USP36: variants seen among roughly 807,000 people sequenced by gnomAD.
USP36 encodes ubiquitin carboxyl-terminal hydrolase 36.
In USP36, 59 loss-of-function variants were observed where a neutral mutation model predicts 111.5. That is an observed-to-expected ratio of 0.53 (90% CI 0.43 to 0.66). The LOEUF (loss-of-function observed/expected upper bound fraction) is 0.66, where lower values mean the gene tolerates loss of function less well. Among genes scored for constraint, USP36 ranks in the 30% least tolerant of loss-of-function variants. USP36 has a pLI of 0.00. For synonymous variants in USP36, 628 were observed against 581.0 expected (o/e 1.08, Z -1.16); for missense variants, 1,488 against 1,468.0 (o/e 1.01, Z -0.22).
chr17:78,807,718 C>A, intron 13 of USP36, 82 bp from the exon 14 acceptor site: 3 of 1,371,352 alleles, frequency 2.2e-6, no homozygotes, highest in Non-Finnish European at 2.9e-6. Context: ...CACAGTGAAT[C>A]TTAGTAGCAG....
At chr17:78,821,420 ATTTTTTTTTTT>A (rs1187233966) in intron 7 of USP36, 1 of 34,560 alleles carries the variant, frequency 2.9e-5, no homozygotes, top group Non-Finnish European at 4.6e-5. Context: ...ATATATATAT[ATTTTTTTTTTT>A]TTTTTTTTTT....
chr17:78,840,345 C>G (rs999863464), intron 1 of USP36: 1 of 152,666 alleles, frequency 6.6e-6, no homozygotes, highest in Non-Finnish European at 1.5e-5. Flanking sequence ...GCCGCACCCG[C>G]CCCGCTGAGC....
downstream of USP36, among the ~76,000 whole-genome samples, chr17:78,791,646 G>A (rs1035153016): frequency 2.0e-5 from 3 of 152,190 alleles, no homozygotes; most frequent in East Asian, 1.9e-4. Context: ...CCAGAACAAC[G>A]GGCTGGACAG....
At chr17:78,804,117 A>G (rs1638673470) in intron 15 of USP36, 139 bp from the exon 16 acceptor site, 2 of 589,650 alleles carry the variant, frequency 3.4e-6, no homozygotes, top group Non-Finnish European at 2.9e-6. Flanking sequence ...GATACACATT[A>G]AGTTACATGT....
chr17:78,821,915 T>C (rs773403969), intron 7 of USP36, 22 bp downstream of exon 7: 10 of 1,613,602 alleles, frequency 6.2e-6, no homozygotes, highest in East Asian at 2.2e-5. Flanking sequence ...CAAGAAGCAG[T>C]AGAACAAACG....
At chr17:78,831,225 C>CAAAAAAAAAAAAAAAAAAAAAAAAA (rs33980218) in intron 4 of USP36, among the ~76,000 whole-genome samples, 1 of 13,530 alleles carries the variant, frequency 7.4e-5, no homozygotes, top group African/African-American at 3.4e-4. Flanking sequence ...AACTCCATCT[C>CAAAAAAAAAAAAAAAAAAAAAAAAA]AAAAAAAAAA....
At chr17:78,828,782 A>G in intron 5 of USP36, 115 bp downstream of exon 5, 1 of 1,010,276 alleles carries the variant, frequency 9.9e-7, no homozygotes, top group Non-Finnish European at 1.4e-6. Flanking sequence ...AAACGGAAGG[A>G]CTGCTTAAGG....
chr17:78,792,906 G>A (rs2093595237), downstream of USP36, among the ~76,000 whole-genome samples: 1 of 152,126 alleles, frequency 6.6e-6, no homozygotes, highest in Admixed American at 6.5e-5. Context: ...AGTAGAGACA[G>A]GGTTTCACCA....
intron 5 of USP36, 79 bp from the exon 6 acceptor site, chr17:78,827,426 T>G: frequency 6.7e-5 from 87 of 1,305,064 alleles, no homozygotes; most frequent in Non-Finnish European, 8.5e-5. Context: ...TGAATGGCCA[T>G]TCCTGGCTGT....
Position 78,797,226 on chromosome 17 carries a change from C to T in USP36, c.*674G>A, listed in dbSNP as rs911822331. 4 of 152,218 alleles carry T rather than the reference C, an allele frequency of 2.6e-5. No individual in the cohort carries two copies. Among genetic ancestry groups the T allele is most frequent in the East Asian group, 3.8e-4 (2 of 5,204 alleles). The allele number at this position is 152,218 out of a possible 1,614,324, so 9.4% of individuals were successfully genotyped here. On this transcript the variant is annotated 3_prime_UTR_variant, in exon 21 of 21. Coordinates refer to ENST00000449938, the MANE Select transcript of USP36 (RefSeq NM_001385174.1). ...CAGCAGCCTGGAAAGCAGATGTATT[C>T]GCAGGTATCGAGGGCTCCTCCGACC...
At position 78,819,978 on chromosome 17, in the gene USP36, A is replaced by G. The variant is rs760871640; in HGVS notation, c.863T>C (p.Phe288Ser). The change falls in exon 9 of 21, where the codon TTT becomes TCT. Residue 288 changes from phenylalanine to serine, a missense_variant. Phe to Ser is a radical substitution (Grantham distance 155). Transcript: ENST00000449938. Reference protein sequence around the residue: ...AANIVRALELFVKADVLSGEN... With the variant: ...AANIVRALELSVKADVLSGEN... ...TCCACTCAGGACATCTGCTTTCACAAAAAGTTCCAGAGCACGCACAATATT... is the reference window on the plus strand; with the variant it reads ...TCCACTCAGGACATCTGCTTTCACAGAAAGTTCCAGAGCACGCACAATATT... 1 of 1,614,226 alleles carries G rather than the reference A, an allele frequency of 6.2e-7. No individual in the cohort carries two copies. The highest frequency in any genetic ancestry group is 8.5e-7 in the Non-Finnish European group (1 of 1,180,014).
intron 6 of USP36, among the ~76,000 whole-genome samples, chr17:78,823,494 C>G (rs971984453): frequency 6.6e-6 from 1 of 152,182 alleles, no homozygotes; most frequent in Non-Finnish European, 1.5e-5. Context: ...AGCGAGCTCC[C>G]ACAGGCATCC....
At chr17:78,818,206 G>A (rs146676205) in intron 10 of USP36, among the ~76,000 whole-genome samples, 25 of 152,272 alleles carry the variant, frequency 1.6e-4, no homozygotes, top group African/African-American at 5.8e-4. Context: ...AAAGGACATG[G>A]ACAATGCAAG....
At chr17:78,805,723 T>C (rs2093880812) in intron 15 of USP36, among the ~76,000 whole-genome samples, 1 of 152,214 alleles carries the variant, frequency 6.6e-6, no homozygotes, top group South Asian at 2.1e-4. Context: ...TTAACCTGCA[T>C]GACGCTAGCA....
Position 78,832,236 on chromosome 17 carries a change from C to T in USP36, c.475+3044G>A, listed in dbSNP as rs74001291. On this transcript the variant is annotated intron_variant, in intron 4 of 20. Coordinates refer to ENST00000449938, the MANE Select transcript of USP36 (RefSeq NM_001385174.1). The stretch of plus-strand genomic sequence containing the variant: ...TTAGCGCCAGAGACAGTCCAGCCTA[C>T]GGCAGGAGCTGCTGCTCCGTGCCAC... 7.3e-3 allele frequency among the ~76,000 whole-genome samples: 1,114 copies of T among 152,302 alleles called. 15 individuals carry two copies. Among genetic ancestry groups the T allele is most frequent in the African/African-American group, 0.025 (1,033 of 41,562 alleles).
At chr17:78,827,532 C>A (rs2067673880) in intron 5 of USP36, among the ~76,000 whole-genome samples, 185 bp from the exon 6 acceptor site, 1 of 152,162 alleles carries the variant, frequency 6.6e-6, no homozygotes, top group African/African-American at 2.4e-5. Flanking sequence ...TTCATCATGG[C>A]CACCACTTTC....
intron 17 of USP36, among the ~76,000 whole-genome samples, chr17:78,801,439 T>G (rs1007709742): frequency 6.6e-6 from 1 of 152,250 alleles, no homozygotes; most frequent in African/African-American, 2.4e-5. Flanking sequence ...GACCCCCAGA[T>G]GCACTGCCAT....
intron 10 of USP36, among the ~76,000 whole-genome samples, chr17:78,816,178 G>GA (rs2094184893): frequency 1.4e-5 from 2 of 146,374 alleles, no homozygotes; most frequent in African/African-American, 5.0e-5. Context: ...TTTTTTTTAA[G>GA]AAACACAGTC....
At chr17:78,795,368 G>C (rs1315610474), downstream of USP36, among the ~76,000 whole-genome samples, 1 of 152,214 alleles carries the variant, frequency 6.6e-6, no homozygotes, top group African/African-American at 2.4e-5. This position sits in a 1 kb window ranked among gnomAD's most constrained non-coding sequence, Gnocchi z 4.5. Context: ...AGTTGCTAAA[G>C]GGAGATGCGG....
Sources: allele counts gnomAD v4.1 joint callset (sites outside exome capture counted in the v4.1 genomes callset), GRCh38; gene constraint gnomAD v4.1.1; non-coding constraint Gnocchi (gnomAD v3.1); transcripts MANE v1.5; gene names NCBI Gene and HGNC (gene_info 2026-07-23, HGNC 2026-07-21).